Variants in SLC41A2 observed in about 807,000 individuals in gnomAD.
The protein encoded by SLC41A2 is SLC41A1-like 1.
A neutral mutation model predicts 58.3 loss-of-function variants in SLC41A2; 32 were observed. That is an observed-to-expected ratio of 0.55 (90% CI 0.41 to 0.74). SLC41A2 has a LOEUF of 0.74. SLC41A2 is among the 30% of genes least tolerant of loss of function. The probability of loss-of-function intolerance (pLI) is 0.00; values close to 1 mark genes in which losing one functional copy is unlikely to be tolerated. For missense variants in SLC41A2, 514 were observed against 680.6 expected, an observed-to-expected ratio of 0.76 and a Z score of 2.72; for synonymous variants, 190 against 235.0, an observed-to-expected ratio of 0.81 and a Z score of 1.75.
chr12:104,952,235 G>A (rs113707726), intron 1 of SLC41A2, among the ~76,000 whole-genome samples: 11 of 152,166 alleles, frequency 7.2e-5, no homozygotes, highest in African/African-American at 2.6e-4. Context: ...CTCTATCAAC[G>A]AAGATTTGCT....
intron 3 of SLC41A2, among the ~76,000 whole-genome samples, chr12:104,908,711 T>C (rs1329750664): frequency 2.0e-5 from 3 of 152,212 alleles, no homozygotes; most frequent in Non-Finnish European, 2.9e-5. Flanking sequence ...TATAATAAGA[T>C]AACAATGTCC....
intron 6 of SLC41A2, among the ~76,000 whole-genome samples, chr12:104,884,168 C>T (rs753477288): frequency 2.0e-5 from 3 of 152,246 alleles, no homozygotes; most frequent in Non-Finnish European, 2.9e-5. Context: ...ATATAATCTC[C>T]TGGTGTGCTG....
At chr12:104,922,637 A>C (rs2046651852) in intron 2 of SLC41A2, among the ~76,000 whole-genome samples, 1 of 152,194 alleles carries the variant, frequency 6.6e-6, no homozygotes, top group South Asian at 2.1e-4. Context: ...GAAAATCAAC[A>C]AAGAAACACT....
chr12:104,919,230 A>G (rs1342373461), intron 2 of SLC41A2, among the ~76,000 whole-genome samples: 2 of 152,190 alleles, frequency 1.3e-5, no homozygotes, highest in Non-Finnish European at 2.9e-5. Context: ...TGAATTTACC[A>G]AAGTTTAACT....
chr12:104,903,315 A>G (rs922677483), intron 3 of SLC41A2, among the ~76,000 whole-genome samples: 7 of 152,260 alleles, frequency 4.6e-5, no homozygotes, highest in Middle Eastern at 3.4e-3. Context: ...AAAACCTTCC[A>G]TTGGTTTCTT....
intron 6 of SLC41A2, among the ~76,000 whole-genome samples, chr12:104,868,496 A>C (rs112399392): frequency 7.9e-5 from 12 of 152,318 alleles, no homozygotes; most frequent in African/African-American, 2.9e-4. Context: ...AAAGAGGAGA[A>C]AAAATACCTT....
chr12:104,825,459 A>G (rs1219924928), intron 10 of SLC41A2, among the ~76,000 whole-genome samples: 4 of 152,250 alleles, frequency 2.6e-5, no homozygotes, highest in Non-Finnish European at 1.5e-5. Context: ...TATAAGAATT[A>G]GAGGAACCCA....
rs1491106007 is a variant in SLC41A2, at chr12:104,866,379, CGT to C, written c.1175+51_1175+52del. On this transcript the variant is annotated intron_variant, in intron 7 of 10. Coordinates refer to ENST00000258538, the MANE Select transcript of SLC41A2 (RefSeq NM_001352171.3). ...TAGAAGACACACAAAGACAGACAGA[CGT>C]ACACACACACACACACACACACACA... The C allele has an allele frequency of 7.1e-4, 997 of 1,410,366 alleles. 6 individuals are homozygous for C. The African/African-American group carries it at 0.017, about 24-fold the overall frequency. 87.4% of individuals were successfully genotyped at this position (1,410,366 alleles called of 1,614,324 possible).
chr12:104,843,000 C>A (rs2042468788), intron 10 of SLC41A2, among the ~76,000 whole-genome samples: 1 of 152,018 alleles, frequency 6.6e-6, no homozygotes, highest in Non-Finnish European at 1.5e-5. Context: ...AATAGTTACA[C>A]AGAGAACAGC....
chr12:104,852,861 T>G (rs1410523503), intron 8 of SLC41A2, among the ~76,000 whole-genome samples: 1 of 152,196 alleles, frequency 6.6e-6, no homozygotes, highest in Non-Finnish European at 1.5e-5. Flanking sequence ...AATGCTTTCT[T>G]GCTATAATGA....
intron 5 of SLC41A2, 60 bp downstream of exon 5, chr12:104,888,973 T>G: frequency 6.9e-7 from 1 of 1,439,458 alleles, no homozygotes; most frequent in South Asian, 1.6e-5. Context: ...ATAGTCATCT[T>G]AAGAAATAAA....
chr12:104,920,785 G>T (rs1565902462), intron 2 of SLC41A2, among the ~76,000 whole-genome samples: 1 of 151,938 alleles, frequency 6.6e-6, no homozygotes, highest in Non-Finnish European at 1.5e-5. Context: ...TTAGCTAGGT[G>T]TGGTGGCGGG....
At chr12:104,866,847 A>T (rs2043491726) in intron 6 of SLC41A2, among the ~76,000 whole-genome samples, 1 of 152,148 alleles carries the variant, frequency 6.6e-6, no homozygotes, top group African/African-American at 2.4e-5. Context: ...AACAATAACA[A>T]CAAGAACAGT....
chr12:104,884,810 C>G (rs555431764), intron 6 of SLC41A2, among the ~76,000 whole-genome samples: 1 of 152,290 alleles, frequency 6.6e-6, no homozygotes, highest in Admixed American at 6.5e-5. Context: ...TCTATGGGGT[C>G]AGGACTACAA....
intron 6 of SLC41A2, among the ~76,000 whole-genome samples, chr12:104,883,592 G>A (rs1329945570): frequency 1.3e-5 from 2 of 152,246 alleles, no homozygotes; most frequent in South Asian, 4.1e-4. Context: ...CTGCAGGTCT[G>A]TTGGAGTTTG....
At chr12:104,935,668 G>A (rs2135922409) in intron 1 of SLC41A2, among the ~76,000 whole-genome samples, 1 of 152,248 alleles carries the variant, frequency 6.6e-6, no homozygotes, top group Admixed American at 6.5e-5. Context: ...CTACAGTCAC[G>A]TACTGCCTAA....
intron 2 of SLC41A2, among the ~76,000 whole-genome samples, chr12:104,914,217 T>C (rs2046213482): frequency 6.6e-6 from 1 of 152,124 alleles, no homozygotes; most frequent in Non-Finnish European, 1.5e-5. Flanking sequence ...AGTAGTTAGG[T>C]CCGAACAACC....
intron 8 of SLC41A2, among the ~76,000 whole-genome samples, chr12:104,853,926 T>TTTTTTATTTTA (rs1565842745): frequency 8.4e-6 from 1 of 118,850 alleles, no homozygotes; most frequent in African/African-American, 3.1e-5. Flanking sequence ...TTTTTTTTTT[T>TTTTTTATTTTA]TTTTTTTTTT....
Position 104,831,909 on chromosome 12 carries a change from AC to A in SLC41A2, c.1536+12562del, listed in dbSNP as rs984297572. On this transcript the variant is annotated intron_variant, in intron 10 of 10. Transcript: ENST00000258538. Reference sequence around the variant, plus strand: ...TAAAATAATTCACAAATAATAAAAAACAATATTCATTTTATAAATATTTACT... The same window carrying A: ...TAAAATAATTCACAAATAATAAAAAAAATATTCATTTTATAAATATTTACT... Among the ~76,000 whole-genome samples, 7 of 152,340 alleles carry A rather than the reference AC, an allele frequency of 4.6e-5. 1 individual carries two copies. Among genetic ancestry groups the A allele is most frequent in the Admixed American group, 1.3e-4 (2 of 15,306 alleles).
Sources: allele counts gnomAD v4.1 joint callset (sites outside exome capture counted in the v4.1 genomes callset), GRCh38; gene constraint gnomAD v4.1.1; transcripts MANE v1.5; gene names NCBI Gene and HGNC (gene_info 2026-07-23, HGNC 2026-07-21).